NEURL4: variants seen among roughly 807,000 people sequenced by gnomAD.
NEURL4 encodes the protein neuralized-like protein 4.
Under a neutral mutation model 148.0 loss-of-function variants are expected in NEURL4, and 45 were observed. That is an observed-to-expected ratio of 0.30 (90% CI 0.24 to 0.39). NEURL4 has a LOEUF of 0.39. Ranked by LOEUF, NEURL4 falls within the 10% of genes least tolerant of loss-of-function variation. The pLI is 1.00. For missense variants in NEURL4, 1,776 were observed against 2,144.0 expected (o/e 0.83, Z 3.39); for synonymous variants, 854 against 869.0 (o/e 0.98, Z 0.30).
chr17:7,317,566 GA>G lies in NEURL4; in HGVS notation c.4212del (p.Arg1406AlafsTer7). 6.2e-7 allele frequency: 1 copy of G among 1,614,006 alleles called. No individual in the cohort carries two copies. The highest frequency in any genetic ancestry group is 8.5e-7 in the Non-Finnish European group (1 of 1,179,882). On this transcript the variant is annotated frameshift_variant, in exon 27 of 29. Coordinates refer to ENST00000399464, the MANE Select transcript of NEURL4 (RefSeq NM_032442.3). LOFTEE classifies it high-confidence loss of function. ...FGWCRFNLRV[N>X]PRLEAGTLTK... The stretch of plus-strand genomic sequence containing the variant: ...GTTAGTGTCCCAGCCTCCAGGCGGG[GA>G]TTCACTCTAGGAGGTGGACAAGCGG...
rs769415573 is a variant in NEURL4, at chr17:7,317,233, C to T, written c.4456G>A (p.Gly1486Arg). The change falls in exon 28 of 29, where the codon GGG becomes AGG. Residue 1486 changes from glycine (G) to arginine (R), a missense_variant. Coordinates refer to ENST00000399464, the MANE Select transcript of NEURL4 (RefSeq NM_032442.3). ...VLLSPSLQYAGAETLASKVQF... is the reference protein window; with the variant it reads ...VLLSPSLQYARAETLASKVQF... ...ACTTTGGAGGCCAGGGTCTCCGCCC[C>T]AGCATATTGAAGGGAGGGGGAAAGC... 24 of 1,519,610 alleles carry T rather than the reference C, an allele frequency of 1.6e-5. No homozygotes were observed. The highest frequency in any genetic ancestry group is 4.0e-5 in the South Asian group (3 of 75,010). 94.1% of individuals were successfully genotyped at this position (1,519,610 alleles called of 1,614,324 possible). A position where few individuals can be genotyped will look rare whatever the true frequency, so the allele number is the denominator to read the frequency against.
Position 7,317,350 on chromosome 17 carries a change from A to G in NEURL4, c.4339T>C (p.Cys1447Arg). ...LGAGTASILS[C>R]RPLKGEPGVG... ...CCAGGTTCTCCCTTCAAAGGACGGC[A>G]GCTCAGGATGGAGGCAGTACCTGGG... Residue 1447 changes from cysteine to arginine, a missense_variant, in exon 28 of 29, where the codon TGC becomes CGC. By Grantham distance (180) the Cys-to-Arg change is radical. Transcript: ENST00000399464. 3.9e-6 allele frequency: 6 copies of G among 1,556,970 alleles called. No individual in the cohort carries two copies. The highest frequency in any genetic ancestry group is 5.2e-6 in the Non-Finnish European group (6 of 1,149,888).
At position 7,318,140 on chromosome 17, in the gene NEURL4, G is replaced by A. The variant is rs199811030; in HGVS notation, c.3985C>T (p.Pro1329Ser). ...CAGCTCTTTAGAGGACTAGCGGCAG[G>A]TGGTGGACCCCAGCACACACTCTCT... ...IKESVCWGPP[P>S]AASPLKSCEY... The change falls in exon 25 of 29, where the codon CCT becomes TCT. Residue 1329 changes from proline to serine, a missense_variant. Physicochemically the swap from Pro to Ser is moderately conservative, Grantham distance 74. Coordinates refer to ENST00000399464, the MANE Select transcript of NEURL4 (RefSeq NM_032442.3). This position sits in a 1 kb window ranked among gnomAD's most constrained non-coding sequence, Gnocchi z 4.3. 12 of 1,614,046 alleles carry A rather than the reference G, an allele frequency of 7.4e-6. No homozygotes were observed. Among genetic ancestry groups the A allele is most frequent in the Non-Finnish European group, 9.3e-6 (11 of 1,180,006 alleles).
rs1385832791 is a variant in NEURL4, at chr17:7,323,788, G to A, written c.2261+26C>T. The A allele has an allele frequency of 2.5e-6, 4 of 1,613,828 alleles. No individual in the cohort carries two copies. The Admixed American group carries it at 5.0e-5, about 20-fold the overall frequency. On this transcript the variant is annotated intron_variant, in intron 12 of 28. Coordinates refer to ENST00000399464, the MANE Select transcript of NEURL4 (RefSeq NM_032442.3). ...GGCTGAGGCTGGGCAGGAGGAAGGT[G>A]GGGACATGAAAGTTGAGAGACTGAC...
In NEURL4 at chr17:7,329,241, G is replaced by GGCC; in HGVS notation, c.71_72insGGC (p.Gly24_Pro25insAla). The stretch of plus-strand genomic sequence containing the variant: ...CCGGTCCTGAGCCGCTCCCGCTGGG[G>GGCC]CCCCCACCCCCGCCCGGCCCCGGTC... On this transcript the variant is annotated inframe_insertion, in exon 1 of 29. Coordinates refer to ENST00000399464, the MANE Select transcript of NEURL4 (RefSeq NM_032442.3). 6.7e-7 allele frequency: 1 copy of GGCC among 1,481,482 alleles called. No individual in the cohort carries two copies. The highest frequency in any genetic ancestry group is 9.0e-7 in the Non-Finnish European group (1 of 1,116,048). 91.8% of individuals were successfully genotyped at this position (1,481,482 alleles called of 1,614,324 possible). A position where few individuals can be genotyped will look rare whatever the true frequency, so the allele number is the denominator to read the frequency against.
At chr17:7,325,145 G>GGGGGGGGGGGGGGGC in intron 8 of NEURL4, 64 bp downstream of exon 8, 1 of 830,662 alleles carries the variant, frequency 1.2e-6, no homozygotes, top group Non-Finnish European at 1.8e-6. Context: ...CCACTTCCTT[G>GGGGGGGGGGGGGGGC]CCCCGCCCCC....
intron 8 of NEURL4, 62 bp downstream of exon 8, chr17:7,325,145 GCC>G: frequency 7.2e-6 from 6 of 830,620 alleles, no homozygotes; most frequent in Non-Finnish European, 7.2e-6. Context: ...CCACTTCCTT[GCC>G]CCGCCCCCCC....
Position 7,318,628 on chromosome 17 carries a change from G to A in NEURL4, c.3731C>T (p.Thr1244Ile). Residue 1244 changes from threonine (T) to isoleucine (I), a missense_variant, in exon 23 of 29, where the codon ACC becomes ATC. Thr to Ile is a moderately conservative substitution (Grantham distance 89). Transcript: ENST00000399464. This position sits in a 1 kb window ranked among gnomAD's most constrained non-coding sequence, Gnocchi z 4.3. ...GPNLDTCPEG[T>I]ILGLRLDSSG... ...GCTGTCCAGCCGCAGTCCCAGGATG[G>A]TGCCTTCAGGGCACGTGTCCAGATT... The A allele has an allele frequency of 6.2e-7, 1 of 1,613,870 alleles. No individual in the cohort carries two copies. The highest frequency in any genetic ancestry group is 1.1e-5 in the South Asian group (1 of 91,066).
rs2143011450 is a variant in NEURL4 at position 7,318,194 on chromosome 17, G to A, written c.3953-22C>T. 6.2e-7 allele frequency: 1 copy of A among 1,612,912 alleles called. No individual in the cohort carries two copies. The highest frequency in any genetic ancestry group is 2.2e-5 in the East Asian group (1 of 44,888). On this transcript the variant is annotated intron_variant, in intron 24 of 28. Transcript: ENST00000399464. The surrounding 1 kb of genome is among the most constrained non-coding windows in gnomAD (Gnocchi z 4.3). Reference sequence around the variant, plus strand: ...ATACCTGAGGGAGCAGAGGGGCACAGGTCACAGGAGCTGGGCTAGAAGGGT... The same window carrying A: ...ATACCTGAGGGAGCAGAGGGGCACAAGTCACAGGAGCTGGGCTAGAAGGGT...
At chr17:7,325,162 C>CCCCCCCCCCCCCCCCT in intron 8 of NEURL4, 47 bp downstream of exon 8, 2 of 748,832 alleles carry the variant, frequency 2.7e-6, no homozygotes, top group Non-Finnish European at 2.1e-6. Context: ...CCCCCCCCCC[C>CCCCCCCCCCCCCCCCT]CATTAGAATC....
chr17:7,328,026 G>A, intron 1 of NEURL4, 142 bp from the exon 2 acceptor site: 2 of 680,980 alleles, frequency 2.9e-6, no homozygotes, highest in Non-Finnish European at 4.8e-6. Context: ...TGATTTTCTG[G>A]ACTCCGTCTT....
rs1214903851 is a variant in NEURL4 at position 7,315,742 on chromosome 17, A to G, written c.*381T>C. On this transcript the variant is annotated 3_prime_UTR_variant, in exon 29 of 29. Coordinates refer to ENST00000399464, the MANE Select transcript of NEURL4 (RefSeq NM_032442.3). ...CCCCACTCCCGCCCGGTGGCCCCGGAAAAAGCAGCTTCATGTGGGCACAGG... is the reference window on the plus strand; with the variant it reads ...CCCCACTCCCGCCCGGTGGCCCCGGGAAAAGCAGCTTCATGTGGGCACAGG... 4 of 456,098 alleles carry G rather than the reference A, an allele frequency of 8.8e-6. No homozygotes were observed. The highest frequency in any genetic ancestry group is 2.0e-5 in the African/African-American group (1 of 49,562). 28.3% of individuals were successfully genotyped at this position (456,098 alleles called of 1,614,324 possible).
Position 7,324,631 on chromosome 17 carries a change from T to C in NEURL4, c.1814-151A>G. On this transcript the variant is annotated intron_variant, in intron 9 of 28. Transcript: ENST00000399464. This position sits in a 1 kb window ranked among gnomAD's most constrained non-coding sequence, Gnocchi z 5.9. ...TTCCCTGAGCAGGACAAGAAAACTC[T>C]GCAGCTTCCAAGACAGCCACAGCCC... The C allele has an allele frequency of 9.3e-7, 1 of 1,069,892 alleles. No individual in the cohort carries two copies. The allele number at this position is 1,069,892 out of a possible 1,614,324, so 66.3% of individuals were successfully genotyped here.
chr17:7,328,565 G>A (rs1452076358), intron 1 of NEURL4, among the ~76,000 whole-genome samples: 1 of 152,140 alleles, frequency 6.6e-6, no homozygotes, highest in East Asian at 1.9e-4. Flanking sequence ...CACCATGCCT[G>A]GCCAATTTTT....
In NEURL4 at chr17:7,322,138, C is replaced by T. The variant is rs774759282; in HGVS notation, c.2726-128G>A. 3.9e-6 allele frequency: 4 copies of T among 1,038,154 alleles called. 1 individual carries two copies. In the South Asian group the frequency reaches 4.7e-5, roughly 12 times the overall value. The allele number at this position is 1,038,154 out of a possible 1,614,324, so 64.3% of individuals were successfully genotyped here. On this transcript the variant is annotated intron_variant, in intron 16 of 28. Transcript: ENST00000399464. This position sits in a 1 kb window ranked among gnomAD's most constrained non-coding sequence, Gnocchi z 5.5. ...GCCCCATCTGCCATCTGCCATTACA[C>T]CTCAGGGCCTCCTGACACCTCTTTA...
At position 7,316,111 on chromosome 17, in the gene NEURL4, G is replaced by A; in HGVS notation, c.*12C>T. On this transcript the variant is annotated 3_prime_UTR_variant, in exon 29 of 29. Coordinates refer to ENST00000399464, the MANE Select transcript of NEURL4 (RefSeq NM_032442.3). ...CGGCCCGACTGTGCTTGTAGTAGTG[G>A]TGTCTCACCCCTCATTCCACCCGTA... 7.5e-7 allele frequency: 1 copy of A among 1,341,474 alleles called. No homozygotes were observed. The highest frequency in any genetic ancestry group is 1.1e-6 in the Non-Finnish European group (1 of 931,258). The allele number at this position is 1,341,474 out of a possible 1,614,324, so 83.1% of individuals were successfully genotyped here.
In NEURL4 at chr17:7,327,090, C is replaced by T. The variant is rs2073112497; in HGVS notation, c.793+75G>A. 6.3e-7 allele frequency: 1 copy of T among 1,599,754 alleles called. No individual in the cohort carries two copies. Among genetic ancestry groups the T allele is most frequent in the Admixed American group, 1.7e-5 (1 of 59,568 alleles). On this transcript the variant is annotated intron_variant, in intron 3 of 28. Transcript: ENST00000399464. This position sits in a 1 kb window ranked among gnomAD's most constrained non-coding sequence, Gnocchi z 6.6. ...CCCAGACCTGGTGCCTCTCTCCCTA[C>T]CCCTTCTCCTGAGGGCCCTCCCTTG...
At chr17:7,328,677 A>G (rs966230844) in intron 1 of NEURL4, among the ~76,000 whole-genome samples, 2 of 152,212 alleles carry the variant, frequency 1.3e-5, no homozygotes, top group African/African-American at 2.4e-5. Flanking sequence ...TGCTGGGATT[A>G]CGTTTGTTCG....
intron 21 of NEURL4, 120 bp from the exon 22 acceptor site, chr17:7,319,328 A>T: frequency 1.7e-6 from 1 of 592,716 alleles, no homozygotes; most frequent in African/African-American, 2.2e-5. Flanking sequence ...GCCTTTTCTT[A>T]TGCTTGGAAG....
Sources: gnomAD v4.1 joint callset for allele counts (sites outside exome capture counted in the v4.1 genomes callset) on GRCh38, gnomAD v4.1.1 for gene constraint, Gnocchi (gnomAD v3.1) non-coding constraint, MANE v1.5 for transcripts, NCBI Gene and HGNC (gene_info 2026-07-23, HGNC 2026-07-21) for gene names.